The following ROBO2 variants were observed in gnomAD, a reference collection of about 807,000 sequenced individuals.
The protein encoded by ROBO2 is roundabout guidance receptor 2.
ROBO2 carries 53 observed loss-of-function variants against 160.8 expected under a neutral mutation model. That is an observed-to-expected ratio of 0.33 (90% CI 0.26 to 0.41). The LOEUF (loss-of-function observed/expected upper bound fraction) is 0.41, where lower values mean the gene tolerates loss of function less well. Ranked by LOEUF, ROBO2 falls within the 10% of genes least tolerant of loss-of-function variation. The pLI is 1.00. For synonymous variants in ROBO2, 664 were observed against 611.7 expected, an observed-to-expected ratio of 1.09 and a Z score of -1.26; for missense variants, 1,577 against 1,722.4, an observed-to-expected ratio of 0.92 and a Z score of 1.49.
chr3:75,953,629 T>C (rs1178215463), intron 2 of ROBO2, among the ~76,000 whole-genome samples: 2 of 151,906 alleles, frequency 1.3e-5, no homozygotes, highest in African/African-American at 2.4e-5. Flanking sequence ...AAGCTTTTTA[T>C]CATTTCACAT....
chr3:77,097,246 G>A (rs2071204604), intron 1 of ROBO2, among the ~76,000 whole-genome samples: 1 of 152,096 alleles, frequency 6.6e-6, no homozygotes, highest in Non-Finnish European at 1.5e-5. Context: ...TTGGCATGAT[G>A]CTTTTTTCTT....
intron 2 of ROBO2, among the ~76,000 whole-genome samples, chr3:76,424,299 A>T (rs1052185238): frequency 1.2e-4 from 18 of 152,210 alleles, no homozygotes; most frequent in African/African-American, 4.3e-4. Context: ...AGGCTTGCTA[A>T]TATTGAAAGT....
At chr3:77,178,156 G>A (rs1004499271) in intron 2 of ROBO2, among the ~76,000 whole-genome samples, 1 of 152,128 alleles carries the variant, frequency 6.6e-6, no homozygotes, top group East Asian at 1.9e-4. Context: ...AGAACATGCT[G>A]TTGAGGTATG....
chr3:76,446,351 T>A (rs961268989), intron 2 of ROBO2, among the ~76,000 whole-genome samples: 5 of 152,078 alleles, frequency 3.3e-5, no homozygotes, highest in African/African-American at 1.2e-4. Context: ...AAGGACCTCT[T>A]CAAGGAGAAC....
At chr3:76,754,129 A>G (rs1296455948) in intron 2 of ROBO2, among the ~76,000 whole-genome samples, 1 of 151,938 alleles carries the variant, frequency 6.6e-6, no homozygotes, top group African/African-American at 2.4e-5. Context: ...AAGGAGAAAG[A>G]AAATATACTT....
intron 6 of ROBO2, among the ~76,000 whole-genome samples, chr3:77,536,425 T>A (rs2092108938): frequency 6.6e-6 from 1 of 152,026 alleles, no homozygotes; most frequent in Non-Finnish European, 1.5e-5. Flanking sequence ...TCTTTTCTTC[T>A]CCCTCTCTCC....
chr3:76,030,112 A>G (rs1049823966), intron 2 of ROBO2, among the ~76,000 whole-genome samples: 1 of 152,146 alleles, frequency 6.6e-6, no homozygotes, highest in East Asian at 1.9e-4. Flanking sequence ...TTCTCTGATG[A>G]CCAGTGATGA....
At chr3:76,745,269 G>A (rs1371623138) in intron 2 of ROBO2, among the ~76,000 whole-genome samples, 2 of 151,996 alleles carry the variant, frequency 1.3e-5, no homozygotes, top group Non-Finnish European at 2.9e-5. Context: ...CTGAAAACTC[G>A]AGTTACTATA....
intron 2 of ROBO2, among the ~76,000 whole-genome samples, chr3:77,293,758 C>A (rs1350847362): frequency 2.1e-5 from 3 of 140,000 alleles, no homozygotes; most frequent in Non-Finnish European, 4.5e-5. Context: ...GCTAGATCAC[C>A]CCAGACATAA....
intron 2 of ROBO2, among the ~76,000 whole-genome samples, chr3:75,995,415 G>T (rs573765504): frequency 6.6e-6 from 1 of 152,186 alleles, no homozygotes; most frequent in Non-Finnish European, 1.5e-5. Context: ...TAAGGGTGAT[G>T]TTGGGCCCAT....
At chr3:77,522,298 A>AGG (rs2090681750) in intron 5 of ROBO2, among the ~76,000 whole-genome samples, 1 of 151,234 alleles carries the variant, frequency 6.6e-6, no homozygotes, top group Non-Finnish European at 1.5e-5. Context: ...TCTTTTAACT[A>AGG]ATGCCCATTT....
chr3:77,064,812 A>T (rs572020950), intron 1 of ROBO2, among the ~76,000 whole-genome samples: 7 of 152,266 alleles, frequency 4.6e-5, no homozygotes, highest in South Asian at 2.1e-4. Context: ...CTGAGGGAAA[A>T]GGGAGAATGA....
intron 2 of ROBO2, among the ~76,000 whole-genome samples, chr3:76,052,436 A>G (rs944081333): frequency 6.6e-6 from 1 of 152,040 alleles, no homozygotes; most frequent in Non-Finnish European, 1.5e-5. Context: ...TAAATTAGTA[A>G]TGTTTGCTTA....
chr3:77,197,302 A>G (rs2150985902), intron 2 of ROBO2, among the ~76,000 whole-genome samples: 1 of 152,294 alleles, frequency 6.6e-6, no homozygotes, highest in East Asian at 1.9e-4. Context: ...GCTTAGGTGG[A>G]AAGCTTCATT....
At chr3:76,984,098 T>C (rs6419721) in intron 2 of ROBO2, among the ~76,000 whole-genome samples, 152,162 of 152,170 alleles carry the variant, frequency 1, 76,077 homozygotes, top group Middle Eastern at 1. Flanking sequence ...AAGAACAGCA[T>C]GGGGGAAACC....
chr3:77,011,348 C>T (rs2061912263), intron 2 of ROBO2, among the ~76,000 whole-genome samples: 1 of 152,126 alleles, frequency 6.6e-6, no homozygotes, highest in Admixed American at 6.5e-5. Flanking sequence ...CAATTTTTCA[C>T]ATGCAAATTA....
intron 2 of ROBO2, among the ~76,000 whole-genome samples, chr3:76,885,268 A>C (rs993972009): frequency 6.6e-6 from 1 of 152,160 alleles, no homozygotes; most frequent in Non-Finnish European, 1.5e-5. Context: ...AATTTGAATA[A>C]AATTTAACCA....
At chr3:76,709,570 G>A (rs546952623) in intron 2 of ROBO2, among the ~76,000 whole-genome samples, 3 of 152,230 alleles carry the variant, frequency 2.0e-5, no homozygotes, top group South Asian at 4.1e-4. Context: ...ACACATTATT[G>A]TCAGAACACA....
intron 2 of ROBO2, among the ~76,000 whole-genome samples, chr3:76,650,821 A>G (rs2091221832): frequency 6.6e-6 from 1 of 152,204 alleles, no homozygotes; most frequent in African/African-American, 2.4e-5. Flanking sequence ...TAGCAGGAGT[A>G]CTGAGATTAT....
Sources: allele counts gnomAD v4.1 joint callset (sites outside exome capture counted in the v4.1 genomes callset), GRCh38; gene constraint gnomAD v4.1.1; transcripts MANE v1.5; gene names NCBI Gene and HGNC (gene_info 2026-07-23, HGNC 2026-07-21).